The following TTN variants were observed in gnomAD, a reference collection of about 807,000 sequenced individuals.
TTN encodes titin, also known as connectin.
Under a neutral mutation model 3,223.0 loss-of-function variants are expected in TTN, and 1,525 were observed. The ratio of observed to expected loss-of-function variants is 0.47; its 90% CI spans 0.45 to 0.49. The LOEUF (loss-of-function observed/expected upper bound fraction) is 0.49. TTN is among the 20% of genes least tolerant of loss of function. The probability of loss-of-function intolerance (pLI) is 0.00; values close to 1 mark genes in which losing one functional copy is unlikely to be tolerated. For synonymous variants in TTN, 14,094 were observed against 15,161.0 expected, an observed-to-expected ratio of 0.93 and a Z score of 5.17; for missense variants, 40,786 against 43,424.0, an observed-to-expected ratio of 0.94 and a Z score of 5.40.
Position 178,702,590 on chromosome 2 carries a change from A to G in TTN, c.30297T>C (p.Cys10099=). 6.2e-7 allele frequency: 1 copy of G among 1,613,988 alleles called. No individual in the cohort carries two copies. ...CAATGGCATCATCAAAGGACACTTC[A>G]CACTCAAAGGTGGCAGACTGATGCT... The part of the protein sequence containing the change: ...VSEHQSATFE[C]EVSFDDAIVT... The change falls in exon 107 of 363, where the codon TGT becomes TGC. Residue 10099 remains cysteine (C), a synonymous_variant. Transcript: ENST00000589042.
chr2:178,649,136 G>A (rs2062503609), intron 213 of TTN, 112 bp downstream of exon 213: 11 of 807,242 alleles, frequency 1.4e-5, no homozygotes, highest in Non-Finnish European at 1.6e-5. Flanking sequence ...CCTTTTTTCT[G>A]TGCAATATGG....
rs771698375 is a variant in TTN at position 178,532,441 on chromosome 2, T to C, written c.104174A>G (p.Asp34725Gly). Residue 34725 changes from aspartate (D) to glycine (G), a missense_variant, in exon 358 of 363, where the codon GAC becomes GGC. By Grantham distance (94) the Asp-to-Gly change is moderately conservative. Transcript: ENST00000589042. ...GATGTGATAGGTTGAATACCTGAAG[T>C]CTTTTCTTGTTTCCTCCACCTTGAC... ...AHVKVEETRK[D>G]FRYSTYHIPT... The C allele has an allele frequency of 3.1e-5, 50 of 1,613,872 alleles. No individual in the cohort carries two copies. The highest frequency in any genetic ancestry group is 4.2e-5 in the Non-Finnish European group (50 of 1,179,888).
intron 11 of TTN, 93 bp from the exon 12 acceptor site, chr2:178,790,208 T>C: frequency 1.4e-6 from 2 of 1,392,850 alleles, no homozygotes; most frequent in African/African-American, 1.5e-5. Context: ...AGGCAAAATT[T>C]CTTCCTATTC....
chr2:178,584,049 G>T, intron 311 of TTN, 143 bp from the exon 312 acceptor site: 1 of 1,068,614 alleles, frequency 9.4e-7, no homozygotes, highest in Non-Finnish European at 1.3e-6. Flanking sequence ...CAACTAGTAT[G>T]CACTTTTGAG....
intron 349 of TTN, chr2:178,542,013 C>T: frequency 2.8e-6 from 1 of 356,752 alleles, no homozygotes; most frequent in Admixed American, 4.3e-5. Context: ...TCCTTTCTTC[C>T]TAACTCCCTC....
rs542681131 is a variant in TTN at position 178,587,663 on chromosome 2, C to T, written c.63646G>A (p.Val21216Met). Residue 21216 changes from valine to methionine, a missense_variant, in exon 306 of 363, where the codon GTG becomes ATG. By Grantham distance (21) the Val-to-Met change is conservative. Coordinates refer to ENST00000589042, the MANE Select transcript of TTN (RefSeq NM_001267550.2). ...VTWRKVGIDN[V>M]VRKGQVDLVD... is the part of the protein sequence containing the mutation. ...AGATCAACTTGTCCTTTTCTGACCA[C>T]ATTATCAATGCCAACTTTTCGCCAA... 2.0e-5 allele frequency: 32 copies of T among 1,612,918 alleles called. No individual in the cohort carries two copies. In the South Asian group the frequency reaches 3.3e-4, roughly 17 times the overall value.
intron 168 of TTN, 131 bp from the exon 169 acceptor site, chr2:178,664,229 A>C: frequency 3.1e-6 from 3 of 960,498 alleles, no homozygotes; most frequent in Non-Finnish European, 4.6e-6. Flanking sequence ...TTCCCATAAT[A>C]GGTGGTGTTT....
chr2:178,545,582 A>C lies in TTN; in HGVS notation c.95528T>G (p.Leu31843Arg). The change falls in exon 344 of 363, where the codon CTA (leucine) becomes CGA (arginine). Residue 31843 changes from leucine (L) to arginine (R), a missense_variant. Transcript: ENST00000589042. ...SDGGNEISNYLVDKREKKSLR... is the reference protein window; with the variant it reads ...SDGGNEISNYRVDKREKKSLR... ...GCTCTTCTTCTCACGTTTGTCTACT[A>C]GGTAGTTGCTGATTTCATTGCCACC... The C allele has an allele frequency of 6.2e-7, 1 of 1,613,724 alleles. No individual in the cohort carries two copies. Among genetic ancestry groups the C allele is most frequent in the South Asian group, 1.1e-5 (1 of 91,072 alleles).
rs779619858 is a variant in TTN, at chr2:178,552,964, G to C, written c.89936C>G (p.Thr29979Arg). ...VIEKRDATKR[T>R]WSVVSHKCSS... ...ACATTTGTGTGACACGACAGACCATGTTCTCTTGGTGGCATCTCTCTTTTC... is the reference window on the plus strand; with the variant it reads ...ACATTTGTGTGACACGACAGACCATCTTCTCTTGGTGGCATCTCTCTTTTC... Residue 29979 changes from threonine to arginine, a missense_variant, in exon 335 of 363, where the codon ACA (threonine) becomes AGA (arginine). Coordinates refer to ENST00000589042, the MANE Select transcript of TTN (RefSeq NM_001267550.2). 6.2e-7 allele frequency: 1 copy of C among 1,612,942 alleles called. No individual in the cohort carries two copies. Among genetic ancestry groups the C allele is most frequent in the Non-Finnish European group, 8.5e-7 (1 of 1,179,822 alleles).
chr2:178,557,580 AT>A, intron 328 of TTN, 25 bp from the exon 329 acceptor site: 2 of 1,613,694 alleles, frequency 1.2e-6, no homozygotes, highest in Non-Finnish European at 1.7e-6. Flanking sequence ...AATCCTATAG[AT>A]TAGTACAGAC....
Position 178,591,176 on chromosome 2 carries a change from A to G in TTN, c.60549T>C (p.Asp20183=), listed in dbSNP as rs761322852. 1.1e-5 allele frequency: 17 copies of G among 1,613,398 alleles called. No homozygotes were observed. The highest frequency in any genetic ancestry group is 1.4e-5 in the Non-Finnish European group (17 of 1,179,558). The change falls in exon 304 of 363, where the codon GAT becomes GAC. Residue 20183 remains aspartate, a synonymous_variant. Transcript: ENST00000589042. The part of the protein sequence containing the change: ...GPPTGPINIL[D]VTPEHMTISW... ...AGATAGTCATGTGTTCAGGAGTAAC[A>G]TCCAGAATATTAATAGGACCTGTTG...
chr2:178,587,133 C>G lies in TTN; in HGVS notation c.64078G>C (p.Ala21360Pro). 6.2e-7 allele frequency: 1 copy of G among 1,613,208 alleles called. No homozygotes were observed. Among genetic ancestry groups the G allele is most frequent in the East Asian group, 2.2e-5 (1 of 44,818 alleles). ...TAATACTTACTTAGAGGATCTGATG[C>G]AAGCACTGGTTTTGGGACATCTGTT... ...VPTDVPKPVLASDPLSEPDPP... is the reference protein window; with the variant it reads ...VPTDVPKPVLPSDPLSEPDPP... The change falls in exon 307 of 363, where the codon GCA becomes CCA. Residue 21360 changes from alanine (A) to proline (P), a missense_variant. Ala to Pro is a conservative substitution (Grantham distance 27). Coordinates refer to ENST00000589042, the MANE Select transcript of TTN (RefSeq NM_001267550.2).
chr2:178,624,788 T>C (rs2058781014), intron 241 of TTN, 57 bp from the exon 242 acceptor site: 1 of 1,592,004 alleles, frequency 6.3e-7, no homozygotes, highest in East Asian at 2.2e-5. Flanking sequence ...AGAGTTTTGG[T>C]ACCTTCTCAA....
At chr2:178,543,036 C>CTT (rs58609542) in intron 347 of TTN, 33 bp downstream of exon 347, 2,835 of 1,372,412 alleles carry the variant, frequency 2.1e-3, no homozygotes, top group South Asian at 3.4e-3. Flanking sequence ...TTTTACTTTA[C>CTT]TTTTTTTTTT....
At chr2:178,789,658 A>C (rs1308503289) in intron 12 of TTN, among the ~76,000 whole-genome samples, 161 bp from the exon 13 acceptor site, 1 of 152,170 alleles carries the variant, frequency 6.6e-6, no homozygotes, top group African/African-American at 2.4e-5. Context: ...ACTGACTGAG[A>C]ATCACAAAAC....
rs751296516 is a variant in TTN at position 178,669,638 on chromosome 2, T to C, written c.35424A>G (p.Lys11808=). The change falls in exon 158 of 363, where the codon AAA becomes AAG. Residue 11808 remains lysine (K), a synonymous_variant. Transcript: ENST00000589042. ...GCTTTTTCAGAACAGCTTCACGAAC[T>C]TTTTCTTCTGGGACAATTTTCTTGG... ...EVPKKIVPEE[K]VREAVLKKPE... is the part of the protein sequence containing the mutation. The C allele has an allele frequency of 3.7e-6, 6 of 1,612,344 alleles. No homozygotes were observed. In the Admixed American group the frequency reaches 1.0e-4, roughly 27 times the overall value.
Position 178,733,599 on chromosome 2 carries a change from T to G in TTN, c.15775+15A>C, listed in dbSNP as rs776801864. 2.9e-5 allele frequency: 46 copies of G among 1,599,856 alleles called. No individual in the cohort carries two copies. Among genetic ancestry groups the G allele is most frequent in the Non-Finnish European group, 3.8e-5 (45 of 1,170,812 alleles). On this transcript the variant is annotated intron_variant, in intron 53 of 362. Coordinates refer to ENST00000589042, the MANE Select transcript of TTN (RefSeq NM_001267550.2). ...TCTAAATAGCAATTTGAGGTTTAAA[T>G]GTTCCTACACAAACCTTTAACTATT...
intron 142 of TTN, 86 bp downstream of exon 142, chr2:178,679,253 A>T: frequency 1.4e-6 from 2 of 1,401,750 alleles, no homozygotes; most frequent in Non-Finnish European, 2.0e-6. Flanking sequence ...TAATATTGTC[A>T]TGGGGAAAGA....
chr2:178,664,974 G>A (rs778309851), intron 165 of TTN, 48 bp from the exon 166 acceptor site: 1 of 1,551,172 alleles, frequency 6.4e-7, no homozygotes, highest in Non-Finnish European at 8.8e-7. Context: ...ATGATTAATG[G>A]AAAACAGTAA....
Sources: allele counts gnomAD v4.1 joint callset (sites outside exome capture counted in the v4.1 genomes callset), GRCh38; gene constraint gnomAD v4.1.1; transcripts MANE v1.5; gene names NCBI Gene and HGNC (gene_info 2026-07-23, HGNC 2026-07-21).